The following FBLIM1 variants were observed in gnomAD, a reference collection of about 807,000 sequenced individuals.
The protein encoded by FBLIM1 is filamin binding LIM protein 1, also known as filamin-binding LIM protein 1.
FBLIM1 carries 29 observed loss-of-function variants against 37.4 expected under a neutral mutation model. The observed-to-expected ratio is 0.77, with a 90% CI of 0.58 to 1.06. The LOEUF is 1.06. Ranked by LOEUF, FBLIM1 falls within the 50% of genes least tolerant of loss-of-function variation. The probability of loss-of-function intolerance (pLI) is 0.00; values close to 1 mark genes in which losing one functional copy is unlikely to be tolerated. For missense variants in FBLIM1, 449 were observed against 505.6 expected, an observed-to-expected ratio of 0.89 and a Z score of 1.07; for synonymous variants, 193 against 199.0, an observed-to-expected ratio of 0.97 and a Z score of 0.25.
At chr1:15,756,648 C>G (rs1300555528), upstream of FBLIM1, 1 of 152,308 alleles carries the variant, frequency 6.6e-6, no homozygotes, top group Non-Finnish European at 1.5e-5. Context: ...GACATCGACA[C>G]CCGAGCTGCT....
At chr1:15,757,108 G>A (rs995468743), upstream of FBLIM1, among the ~76,000 whole-genome samples, 1 of 152,158 alleles carries the variant, frequency 6.6e-6, no homozygotes, top group Non-Finnish European at 1.5e-5. The surrounding 1 kb of genome is among the most constrained non-coding windows in gnomAD (Gnocchi z 4.1). Flanking sequence ...GGGGGGCAGG[G>A]GCAGGATATC....
At chr1:15,784,456 T>C (rs2148669433) in intron 8 of FBLIM1, 92 bp from the exon 9 acceptor site, 1 of 973,766 alleles carries the variant, frequency 1.0e-6, no homozygotes, top group Non-Finnish European at 1.6e-6. Flanking sequence ...ACTCATGCAG[T>C]TGGTTTATTC....
At chr1:15,770,605 G>A (rs1197564712) in intron 6 of FBLIM1, 27 bp downstream of exon 6, 1 of 1,609,822 alleles carries the variant, frequency 6.2e-7, no homozygotes, top group Non-Finnish European at 8.5e-7. Context: ...ACCTCTGGGT[G>A]CCAGGCAGTG....
At chr1:15,777,060 G>T in intron 7 of FBLIM1, 110 bp from the exon 8 acceptor site, 1 of 776,672 alleles carries the variant, frequency 1.3e-6, no homozygotes, top group East Asian at 2.5e-5. Context: ...ATAGCAACGG[G>T]ACTGAAATTG....
rs759184591 is a variant in FBLIM1 at position 15,765,253 on chromosome 1, T to A, written c.250+20T>A. ...ATGGAGGTAAGAGCTGAGGGGACTT[T>A]GGGGAAGACCACGTCAGAGGCAGAG... is the stretch of plus-strand genomic sequence containing the variant. On this transcript the variant is annotated intron_variant, in intron 3 of 8. Coordinates refer to ENST00000375766, the MANE Select transcript of FBLIM1 (RefSeq NM_017556.4). The surrounding 1 kb of genome is among the most constrained non-coding windows in gnomAD (Gnocchi z 5.9). 4 of 1,592,356 alleles carry A rather than the reference T, an allele frequency of 2.5e-6. No homozygotes were observed. Among genetic ancestry groups the A allele is most frequent in the Non-Finnish European group, 3.4e-6 (4 of 1,165,572 alleles).
At chr1:15,758,450 G>A (rs1164010278), upstream of FBLIM1, 1 of 152,148 alleles carries the variant, frequency 6.6e-6, no homozygotes, top group Non-Finnish European at 1.5e-5. This position sits in a 1 kb window ranked among gnomAD's most constrained non-coding sequence, Gnocchi z 6.2. Flanking sequence ...GCAGCGGGGA[G>A]GGAAGGAAAC....
In FBLIM1 at chr1:15,774,778, G is replaced by A. The variant is rs1348749654; in HGVS notation, c.872G>A (p.Cys291Tyr). Residue 291 changes from cysteine (C) to tyrosine (Y), a missense_variant, in exon 7 of 9, where the codon TGC (cysteine) becomes TAC (tyrosine). By Grantham distance (194) the Cys-to-Tyr change is radical. Transcript: ENST00000375766. ...CTGGGCAGCCAGAACGAGGTGTACT[G>A]CCTGGACGACTTCTACAGGTACGAG... ...FALGSQNEVY[C>Y]LDDFYRKFAP... 1 of 1,614,084 alleles carries A rather than the reference G, an allele frequency of 6.2e-7. No homozygotes were observed. Among genetic ancestry groups the A allele is most frequent in the Non-Finnish European group, 8.5e-7 (1 of 1,180,038 alleles).
chr1:15,771,359 G>A (rs1237385470), intron 6 of FBLIM1, among the ~76,000 whole-genome samples: 1 of 150,622 alleles, frequency 6.6e-6, no homozygotes, highest in African/African-American at 2.5e-5. Flanking sequence ...CAATTCCCAT[G>A]TCTCAGCCTC....
At chr1:15,766,612 T>G (rs2068937132) in intron 3 of FBLIM1, among the ~76,000 whole-genome samples, 1 of 151,092 alleles carries the variant, frequency 6.6e-6, no homozygotes, top group African/African-American at 2.4e-5. Context: ...TTTTTTTTTT[T>G]AGATGGAGTT....
At chr1:15,756,940 T>A (rs1224963522), upstream of FBLIM1, among the ~76,000 whole-genome samples, 1 of 152,172 alleles carries the variant, frequency 6.6e-6, no homozygotes, top group Non-Finnish European at 1.5e-5. Context: ...ATCTCTTAAA[T>A]AAACTTCTGG....
At chr1:15,772,478 AGATGCCC>A (rs1306991049) in intron 6 of FBLIM1, among the ~76,000 whole-genome samples, 2 of 152,110 alleles carry the variant, frequency 1.3e-5, no homozygotes, top group African/African-American at 4.8e-5. Context: ...GGGGAGTGGG[AGATGCCC>A]CCACACGTGT....
chr1:15,761,983 T>C (rs989258626), intron 1 of FBLIM1, among the ~76,000 whole-genome samples: 2 of 152,176 alleles, frequency 1.3e-5, no homozygotes, highest in Non-Finnish European at 2.9e-5. Context: ...ACCTCAGCCT[T>C]GGCCACAGGG....
At chr1:15,769,335 G>T (rs552767800) in intron 5 of FBLIM1, among the ~76,000 whole-genome samples, 4 of 152,116 alleles carry the variant, frequency 2.6e-5, no homozygotes, top group South Asian at 2.1e-4. Flanking sequence ...AAGTTAGCTG[G>T]GTGTGGTGGT....
chr1:15,780,055 T>C (rs975148461), intron 8 of FBLIM1, among the ~76,000 whole-genome samples: 2 of 151,564 alleles, frequency 1.3e-5, no homozygotes, highest in African/African-American at 4.8e-5. Flanking sequence ...AATTTTTTTA[T>C]TTTTAAAATT....
Position 15,770,545 on chromosome 1 carries a change from G to C in FBLIM1, c.678G>C (p.Lys226Asn), listed in dbSNP as rs541695379. Reference sequence around the variant, plus strand: ...TGGCTGGGCAGAGCTTCTACCAGAAGGATGGGCGACCCCTCTGCGAACCCT... The same window carrying C: ...TGGCTGGGCAGAGCTTCTACCAGAACGATGGGCGACCCCTCTGCGAACCCT... The part of the protein sequence containing the change: ...RQLAGQSFYQ[K>N]DGRPLCEPCY... The change falls in exon 6 of 9, where the codon AAG becomes AAC. Residue 226 changes from lysine (K) to asparagine (N), a missense_variant. Lys to Asn is a moderately conservative substitution (Grantham distance 94). Transcript: ENST00000375766. 4 of 1,613,988 alleles carry C rather than the reference G, an allele frequency of 2.5e-6. No individual in the cohort carries two copies. The South Asian group carries it at 4.4e-5, about 18-fold the overall frequency.
chr1:15,782,717 C>G (rs72647169), intron 8 of FBLIM1, among the ~76,000 whole-genome samples: 3,649 of 152,038 alleles, frequency 0.024, 50 homozygotes, highest in Middle Eastern at 0.048. Flanking sequence ...GGTGCCTCAC[C>G]CAGCTGGCCA....
chr1:15,765,163 C>T lies in FBLIM1; in HGVS notation c.180C>T (p.Pro60=), dbSNP rs753582524. 1.9e-6 allele frequency: 3 copies of T among 1,613,782 alleles called. No homozygotes were observed. Among genetic ancestry groups the T allele is most frequent in the South Asian group, 1.1e-5 (1 of 91,062 alleles). The change falls in exon 3 of 9, where the codon CCC becomes CCT. Residue 60 remains proline (P), a synonymous_variant. Coordinates refer to ENST00000375766, the MANE Select transcript of FBLIM1 (RefSeq NM_017556.4). The surrounding 1 kb of genome is among the most constrained non-coding windows in gnomAD (Gnocchi z 5.9). ...KTPEAGLAGR[P]SPWTTPGRAA... is the part of the protein sequence containing the mutation. ...CCGAGGCTGGCTTGGCGGGGAGGCCCAGCCCCTGGACAACCCCTGGCAGAG... is the reference window on the plus strand; with the variant it reads ...CCGAGGCTGGCTTGGCGGGGAGGCCTAGCCCCTGGACAACCCCTGGCAGAG...
intron 7 of FBLIM1, 142 bp downstream of exon 7, chr1:15,774,938 G>C: frequency 6.5e-7 from 1 of 1,541,040 alleles, no homozygotes; most frequent in South Asian, 1.2e-5. Context: ...ACAGGGCTGG[G>C]CTGGGCGCGG....
intron 1 of FBLIM1, among the ~76,000 whole-genome samples, chr1:15,762,174 G>A (rs572548946): frequency 1.3e-4 from 19 of 149,162 alleles, no homozygotes; most frequent in South Asian, 2.1e-4. Flanking sequence ...CTGCAACCTC[G>A]CCTCCCAGGA....
Sources: allele counts gnomAD v4.1 joint callset (sites outside exome capture counted in the v4.1 genomes callset), GRCh38; gene constraint gnomAD v4.1.1; non-coding constraint Gnocchi (gnomAD v3.1); transcripts MANE v1.5; gene names NCBI Gene and HGNC (gene_info 2026-07-23, HGNC 2026-07-21).